GARNL3: variants seen among roughly 807,000 people sequenced by gnomAD.
GARNL3 encodes the protein GTPase-activating Rap/Ran-GAP domain-like protein 3.
A neutral mutation model predicts 125.0 loss-of-function variants in GARNL3; 63 were observed. The observed-to-expected ratio is 0.50, with a 90% CI of 0.41 to 0.62. GARNL3 has a LOEUF of 0.62. GARNL3 is among the 20% of genes least tolerant of loss of function. The pLI is 0.00. For missense variants in GARNL3, 994 were observed against 1,244.0 expected, an observed-to-expected ratio of 0.80 and a Z score of 3.02; for synonymous variants, 439 against 457.5, an observed-to-expected ratio of 0.96 and a Z score of 0.52.
At chr9:127,380,769 C>G (rs1832208879) in intron 22 of GARNL3, among the ~76,000 whole-genome samples, 1 of 152,092 alleles carries the variant, frequency 6.6e-6, no homozygotes, top group Non-Finnish European at 1.5e-5. Flanking sequence ...TTGACCAGGG[C>G]TAGGGGAAGA....
At chr9:127,336,312 C>T in intron 11 of GARNL3, 76 bp downstream of exon 11, 2 of 944,868 alleles carry the variant, frequency 2.1e-6, no homozygotes, top group South Asian at 3.0e-5. Context: ...GACCCTTAAA[C>T]CAAATCTTGT....
chr9:127,269,792 T>TGTG (rs61196087), intron 1 of GARNL3, among the ~76,000 whole-genome samples: 1 of 150,142 alleles, frequency 6.7e-6, no homozygotes, highest in African/African-American at 2.5e-5. Context: ...TTGTGTTTTT[T>TGTG]TTTTTTTTTG....
chr9:127,391,533 A>AAAAAGAATATATATATATATATATAT, intron 27 of GARNL3, among the ~76,000 whole-genome samples: 13 of 75,870 alleles, frequency 1.7e-4, no homozygotes, highest in African/African-American at 4.7e-4. Context: ...ACAAAAAAAA[A>AAAAAGAATATATATATATATATATAT]ATATATATAT....
In GARNL3 at chr9:127,231,315, G is replaced by T. The variant is rs895007592; in HGVS notation, c.-29+6977G>T. On this transcript the variant is annotated intron_variant, in intron 1 of 10. Coordinates refer to the GARNL3 transcript ENST00000439286. ...TCTAGATCTCCTGACCTCATGATCCGCCCGCCTCGGCCTCCCAACGTGCTG... is the reference window on the plus strand; with the variant it reads ...TCTAGATCTCCTGACCTCATGATCCTCCCGCCTCGGCCTCCCAACGTGCTG... Among the ~76,000 whole-genome samples the T allele has an allele frequency of 9.2e-5, 13 of 140,922 alleles. No homozygotes were observed. In the Admixed American group the frequency reaches 1.0e-3, roughly 11 times the overall value. 92.5% of individuals were successfully genotyped at this position (140,922 alleles called of 152,430 possible).
chr9:127,388,541 G>A (rs886503653), intron 25 of GARNL3: 3 of 306,984 alleles, frequency 9.8e-6, no homozygotes, highest in Admixed American at 4.9e-5. Flanking sequence ...TTACCTCATC[G>A]CTTTGAACAC....
chr9:127,354,227 CT>C, intron 18 of GARNL3, 66 bp from the exon 19 acceptor site: 1 of 1,216,018 alleles, frequency 8.2e-7, no homozygotes. Flanking sequence ...CAGTCTGCCC[CT>C]GGAGGCCCTC....
At chr9:127,273,012 T>C (rs924998393) in intron 1 of GARNL3, among the ~76,000 whole-genome samples, 1 of 152,204 alleles carries the variant, frequency 6.6e-6, no homozygotes, top group African/African-American at 2.4e-5. Context: ...ATTATTAGTT[T>C]TAACATTTTA....
intron 11 of GARNL3, among the ~76,000 whole-genome samples, chr9:127,337,508 T>C (rs1316159505): frequency 4.6e-5 from 7 of 151,920 alleles, no homozygotes; most frequent in Non-Finnish European, 8.8e-5. Context: ...GGTTGGGAGA[T>C]GGTGGGTGGA....
At chr9:127,368,017 T>C (rs1831380928) in intron 22 of GARNL3, among the ~76,000 whole-genome samples, 1 of 146,246 alleles carries the variant, frequency 6.8e-6, no homozygotes, top group Non-Finnish European at 1.5e-5. Flanking sequence ...TCTTTTTTTT[T>C]TTTTTTTTTT....
In GARNL3 at chr9:127,393,100, T is replaced by C; in HGVS notation, c.2888T>C (p.Leu963Ser). The change falls in exon 28 of 28, where the codon TTG (leucine) becomes TCG (serine). Residue 963 changes from leucine to serine, a missense_variant. Leu to Ser is a moderately radical substitution (Grantham distance 145, BLOSUM62 -2). Around this residue, in one of 5 missense-constraint regions of GARNL3, gnomAD observed 728 missense variants for 865.7 expected, o/e 0.84. Transcript: ENST00000373387. ...SSSDRIPSGS[L>S]ESASTSEANP... ...TCTTCTAGGATCCCATCAGGCTCCT[T>C]GGAAAGTGCTTCTACTTCCGAAGCC... The C allele has an allele frequency of 6.2e-7, 1 of 1,603,716 alleles. No individual in the cohort carries two copies. The highest frequency in any genetic ancestry group is 8.5e-7 in the Non-Finnish European group (1 of 1,171,320).
chr9:127,388,843 T>C, intron 25 of GARNL3, 61 bp from the exon 26 acceptor site: 6 of 1,001,822 alleles, frequency 6.0e-6, no homozygotes, highest in Non-Finnish European at 6.4e-6. Flanking sequence ...GAAATTACTC[T>C]CTTGTAAATA....
At chr9:127,290,168 G>A (rs1396970993) in intron 1 of GARNL3, among the ~76,000 whole-genome samples, 1 of 152,192 alleles carries the variant, frequency 6.6e-6, no homozygotes, top group African/African-American at 2.4e-5. Context: ...AAGAGCAAAA[G>A]AATGCATGGC....
chr9:127,246,692 A>C (rs1032603339), intron 2 of GARNL3, among the ~76,000 whole-genome samples: 1 of 152,142 alleles, frequency 6.6e-6, no homozygotes, highest in Non-Finnish European at 1.5e-5. Flanking sequence ...CTGTAGTCCC[A>C]GCTACGTGGG....
At chr9:127,332,437 A>G in intron 8 of GARNL3, 88 bp downstream of exon 8, 3 of 1,009,186 alleles carry the variant, frequency 3.0e-6, no homozygotes, top group Non-Finnish European at 4.6e-6. Flanking sequence ...TTGTCTGTTG[A>G]GTTGGAGTCT....
In GARNL3 at chr9:127,296,722, C is replaced by T. The variant is rs189899898; in HGVS notation, c.219+5480C>T. ...CTGACCTCAGGTGATCTGCCCACCT[C>T]GGCCTCCCAAAGTGCTGGGATTACA... is the stretch of plus-strand genomic sequence containing the variant. On this transcript the variant is annotated intron_variant, in intron 2 of 27. Coordinates refer to ENST00000373387, the MANE Select transcript of GARNL3 (RefSeq NM_032293.5). 2.7e-4 allele frequency among the ~76,000 whole-genome samples: 41 copies of T among 152,044 alleles called. No homozygotes were observed. The East Asian group carries it at 3.7e-3, about 14-fold the overall frequency.
rs182589037 is a variant in GARNL3 at position 127,298,937 on chromosome 9, C to T, written c.219+7695C>T. ...CAAATTCAAATTCTTTCAGAAAATT[C>T]ACTCAACTTTAGATCTGTAAAATAG... On this transcript the variant is annotated intron_variant, in intron 2 of 27. Coordinates refer to ENST00000373387, the MANE Select transcript of GARNL3 (RefSeq NM_032293.5). 1.7e-3 allele frequency among the ~76,000 whole-genome samples: 254 copies of T among 152,260 alleles called. 1 individual carries two copies. Among genetic ancestry groups the T allele is most frequent in the Non-Finnish European group, 1.6e-3 (109 of 68,016 alleles).
rs1310251968 is a variant in GARNL3, at chr9:127,393,265, T to C, written c.*11T>C. On this transcript the variant is annotated 3_prime_UTR_variant, in exon 28 of 28. Transcript: ENST00000373387. ...ATAGACTTGAAGTAACAGAGTTGAA[T>C]CTCATTTGCCATCTTTAGTTTTCTT... 2 of 1,593,636 alleles carry C rather than the reference T, an allele frequency of 1.3e-6. No homozygotes were observed. Among genetic ancestry groups the C allele is most frequent in the African/African-American group, 2.7e-5 (2 of 74,570 alleles).
At chr9:127,335,101 A>T (rs1829477513) in intron 9 of GARNL3, 129 bp from the exon 10 acceptor site, 1 of 664,192 alleles carries the variant, frequency 1.5e-6, no homozygotes, top group African/African-American at 1.8e-5. Flanking sequence ...TGTTGCTTCC[A>T]TGCAGGTGGA....
At chr9:127,386,020 T>C (rs1186309493) in intron 24 of GARNL3, among the ~76,000 whole-genome samples, 1 of 152,238 alleles carries the variant, frequency 6.6e-6, no homozygotes, top group Non-Finnish European at 1.5e-5. Context: ...TAGCTTACAA[T>C]TTACAAATAA....
Sources: allele counts gnomAD v4.1 joint callset (sites outside exome capture counted in the v4.1 genomes callset), GRCh38; gene constraint gnomAD v4.1.1; regional missense constraint gnomAD v4.1.1; transcripts MANE v1.5; gene names NCBI Gene and HGNC (gene_info 2026-07-23, HGNC 2026-07-21).